The following XKR9 variants were observed in gnomAD, a reference collection of about 807,000 sequenced individuals.
XKR9 encodes XK related 9, also known as XK-related protein 9.
A neutral mutation model predicts 32.0 loss-of-function variants in XKR9; 32 were observed. The ratio of observed to expected loss-of-function variants is 1.00; its 90% confidence interval spans 0.76 to 1.34. XKR9 has a LOEUF of 1.34. Among genes scored for constraint, XKR9 ranks in the 40% most tolerant of loss-of-function variants. The pLI, the probability that XKR9 is intolerant of heterozygous loss-of-function variation, is 0.00. For missense variants in XKR9, 546 were observed against 429.7 expected (o/e 1.27, Z -2.39); for synonymous variants, 168 against 143.4 (o/e 1.17, Z -1.22).
the XKR9 span, among the ~76,000 whole-genome samples, chr8:71,052,987 TAA>T: frequency 1.5e-3 from 235 of 152,282 alleles, no homozygotes; most frequent in Non-Finnish European, 1.3e-3. Context: ...CAATGGTACT[TAA>T]AAGAGATTGT....
At chr8:71,033,694 T>G in the XKR9 span, among the ~76,000 whole-genome samples, 1 of 152,262 alleles carries the variant, frequency 6.6e-6, no homozygotes, top group East Asian at 1.9e-4. Context: ...TCTGACTTCA[T>G]CAGTTTCTCT....
chr8:71,049,096 G>A, the XKR9 span, among the ~76,000 whole-genome samples: 32 of 152,158 alleles, frequency 2.1e-4, no homozygotes, highest in Non-Finnish European at 1.5e-5. Flanking sequence ...ACTTTTTAAT[G>A]TGTGGTTGAC....
Position 70,752,809 on chromosome 8 carries a change from A to C in XKR9, n.353-36530A>C, listed in dbSNP as rs575867105. Among the ~76,000 whole-genome samples the C allele has an allele frequency of 2.5e-3, 388 of 152,352 alleles. 4 individuals are homozygous for C. The highest frequency in any genetic ancestry group is 3.0e-3 in the Non-Finnish European group (207 of 68,030). On this transcript the variant is annotated intron_variant and non_coding_transcript_variant, in intron 2 of 3. Transcript: ENST00000520273. ...TATAGCACTAAATGCCCACAAGAGA[A>C]AGCAGGAAAGATCAAAAATTGACAC...
At chr8:70,880,297 TA>T in the XKR9 span, among the ~76,000 whole-genome samples, 1 of 152,024 alleles carries the variant, frequency 6.6e-6, no homozygotes. Context: ...GAAAAAGAAA[TA>T]AAGGGTATTC....
the XKR9 span, among the ~76,000 whole-genome samples, chr8:71,023,277 C>CT: frequency 6.6e-6 from 1 of 152,182 alleles, no homozygotes; most frequent in Non-Finnish European, 1.5e-5. Context: ...AGATTTTCTG[C>CT]TAGATGTGTC....
the XKR9 span, among the ~76,000 whole-genome samples, chr8:70,839,478 T>G: frequency 6.6e-6 from 1 of 152,194 alleles, no homozygotes; most frequent in Admixed American, 6.6e-5. Flanking sequence ...TCTATTTTTC[T>G]CAAACATAGC....
intron 1 of XKR9, among the ~76,000 whole-genome samples, chr8:70,673,627 T>C (rs1818789215): frequency 6.6e-6 from 1 of 152,102 alleles, no homozygotes; most frequent in Admixed American, 6.5e-5. Flanking sequence ...TAGGTGGGCA[T>C]GGTGGCGGGT....
chr8:71,013,371 C>T, the XKR9 span, among the ~76,000 whole-genome samples: 1 of 152,262 alleles, frequency 6.6e-6, no homozygotes, highest in Non-Finnish European at 1.5e-5. Context: ...AGGTTGCCTA[C>T]ACACTCTCCC....
the XKR9 span, among the ~76,000 whole-genome samples, chr8:70,899,478 C>T: frequency 6.0e-5 from 9 of 150,118 alleles, no homozygotes; most frequent in African/African-American, 1.5e-4. Context: ...ATCCACTGCT[C>T]AATTTTGCAT....
downstream of XKR9, among the ~76,000 whole-genome samples, chr8:70,738,913 G>A (rs1806912389): frequency 1.3e-5 from 2 of 152,172 alleles, no homozygotes; most frequent in African/African-American, 4.8e-5. Flanking sequence ...TTTGGAATAG[G>A]TGTGGTGTGG....
Position 70,681,358 on chromosome 8 carries a change from C to G in XKR9, c.272+28C>G, listed in dbSNP as rs373228293. ...GAGCATACATGTTTAATCATTACCACTGTTTTTCTTTTTCCAAACAGAAGC... is the reference window on the plus strand; with the variant it reads ...GAGCATACATGTTTAATCATTACCAGTGTTTTTCTTTTTCCAAACAGAAGC... On this transcript the variant is annotated intron_variant, in intron 3 of 4. Coordinates refer to ENST00000408926, the MANE Select transcript of XKR9 (RefSeq NM_001011720.2). The G allele has an allele frequency of 2.7e-5, 43 of 1,577,108 alleles. No homozygotes were observed. The African/African-American group carries it at 5.9e-4, about 22-fold the overall frequency.
the XKR9 span, among the ~76,000 whole-genome samples, chr8:71,015,703 G>A: frequency 4.6e-5 from 7 of 152,040 alleles, no homozygotes; most frequent in African/African-American, 1.7e-4. Flanking sequence ...TTAATGCACA[G>A]AGATGATCTT....
chr8:71,033,495 C>T, the XKR9 span, among the ~76,000 whole-genome samples: 1 of 151,926 alleles, frequency 6.6e-6, no homozygotes, highest in Admixed American at 6.6e-5. Context: ...GTGGTTTGTC[C>T]CCATCAAAAC....
chr8:70,736,149 T>C (rs890911899), downstream of XKR9, among the ~76,000 whole-genome samples: 33 of 151,818 alleles, frequency 2.2e-4, no homozygotes, highest in Admixed American at 7.2e-4. Context: ...TTTTAATGAT[T>C]GCCATTCTAA....
At chr8:70,925,254 T>C in the XKR9 span, among the ~76,000 whole-genome samples, 1 of 152,198 alleles carries the variant, frequency 6.6e-6, no homozygotes, top group African/African-American at 2.4e-5. Flanking sequence ...CACTATGACA[T>C]GTTAATCTAG....
At chr8:70,670,814 A>C (rs1818691325) in intron 1 of XKR9, among the ~76,000 whole-genome samples, 1 of 152,192 alleles carries the variant, frequency 6.6e-6, no homozygotes, top group African/African-American at 2.4e-5. Flanking sequence ...AAAGTAACCA[A>C]ATCTCCTACA....
the XKR9 span, among the ~76,000 whole-genome samples, chr8:71,030,001 A>G: frequency 6.6e-6 from 1 of 151,994 alleles, no homozygotes; most frequent in Non-Finnish European, 1.5e-5. Context: ...CTCTTCTTAA[A>G]AGGAAATGTG....
intron 3 of XKR9, among the ~76,000 whole-genome samples, chr8:70,694,412 G>A (rs529617926): frequency 6.6e-6 from 1 of 152,026 alleles, no homozygotes; most frequent in East Asian, 1.9e-4. Context: ...ATCCCAGGGG[G>A]AATTCAGATC....
At chr8:70,739,199 A>T (rs1806920143), downstream of XKR9, among the ~76,000 whole-genome samples, 3 of 152,132 alleles carry the variant, frequency 2.0e-5, no homozygotes, top group Non-Finnish European at 4.4e-5. Flanking sequence ...TTCTTGTTGA[A>T]TTGATCCCTT....
Sources: allele counts gnomAD v4.1 joint callset (sites outside exome capture counted in the v4.1 genomes callset), GRCh38; gene constraint gnomAD v4.1.1; transcripts MANE v1.5; gene names NCBI Gene and HGNC (gene_info 2026-07-23, HGNC 2026-07-21).